The following ATP6V0A1 variants were observed in gnomAD, a reference collection of about 807,000 sequenced individuals.
ATP6V0A1 encodes the protein V-type proton ATPase 116 kDa subunit a 1.
Under a neutral mutation model 105.4 loss-of-function variants are expected in ATP6V0A1, and 43 were observed. The ratio of observed to expected loss-of-function variants is 0.41; its 90% CI spans 0.32 to 0.53. ATP6V0A1 has a LOEUF of 0.53. ATP6V0A1 is among the 20% of genes least tolerant of loss of function. ATP6V0A1 has a pLI of 0.30. For missense variants in ATP6V0A1, 676 were observed against 1,051.1 expected, an observed-to-expected ratio of 0.64 and a Z score of 4.93; for synonymous variants, 362 against 372.8, an observed-to-expected ratio of 0.97 and a Z score of 0.33.
intron 14 of ATP6V0A1, chr17:42,495,943 A>G (rs1398671624): frequency 5.0e-6 from 2 of 402,334 alleles, no homozygotes; most frequent in Non-Finnish European, 9.2e-6. Flanking sequence ...GTGGTGGCGC[A>G]TGCCTGTAGT....
intron 21 of ATP6V0A1, chr17:42,519,542 A>G (rs2092755282): frequency 6.6e-6 from 1 of 152,252 alleles, no homozygotes; most frequent in Non-Finnish European, 1.5e-5. Flanking sequence ...TTCAACATGA[A>G]GAATTCAAAC....
intron 9 of ATP6V0A1, 87 bp from the exon 10 acceptor site, chr17:42,487,068 A>T (rs893714120): frequency 8.4e-6 from 11 of 1,307,304 alleles, no homozygotes; most frequent in Non-Finnish European, 1.2e-5. Context: ...AACTCTTTTC[A>T]GAAAGCTATG....
At position 42,477,726 on chromosome 17, in the gene ATP6V0A1, A is replaced by G. The variant is rs1345072246; in HGVS notation, c.490A>G (p.Thr164Ala). ...GGAGCCAAGTGAGATGGGAAGAGGC[A>G]CTCCTTTAAGACTTGGGTAAGTGCC... ...LLEPSEMGRG[T>A]PLRLGFVAGV... is the part of the protein sequence containing the mutation. Residue 164 changes from threonine to alanine, a missense_variant, in exon 6 of 22, where the codon ACT (threonine) becomes GCT (alanine). Physicochemically the swap from Thr to Ala is moderately conservative, Grantham distance 58 (BLOSUM62 0). Coordinates refer to ENST00000343619, the MANE Select transcript of ATP6V0A1 (RefSeq NM_001130021.3). 1.2e-6 allele frequency: 2 copies of G among 1,613,324 alleles called. No individual in the cohort carries two copies. Among genetic ancestry groups the G allele is most frequent in the Non-Finnish European group, 1.7e-6 (2 of 1,179,606 alleles).
At chr17:42,499,574 G>C (rs970707503) in intron 15 of ATP6V0A1, among the ~76,000 whole-genome samples, 110 of 151,840 alleles carry the variant, frequency 7.2e-4, no homozygotes, top group African/African-American at 2.4e-3. Context: ...ATCACTTGAG[G>C]TCAGGAGTTC....
rs376334350 is a variant in ATP6V0A1 at position 42,520,292 on chromosome 17, A to G, written c.2421-735A>G. 680 of 371,768 alleles carry G rather than the reference A, an allele frequency of 1.8e-3. 6 individuals are homozygous for G. The highest frequency in any genetic ancestry group is 0.013 in the African/African-American group (601 of 47,214). The allele number at this position is 371,768 out of a possible 1,614,324, so 23.0% of individuals were successfully genotyped here. A position where few individuals can be genotyped will look rare whatever the true frequency, so the allele number is the denominator to read the frequency against. ...GGGCAGCTGTCCAGGGTGAGTTTGCAGGAGGAAGCACAGCCAAGCAGCCTC... is the reference window on the plus strand; with the variant it reads ...GGGCAGCTGTCCAGGGTGAGTTTGCGGGAGGAAGCACAGCCAAGCAGCCTC... On this transcript the variant is annotated intron_variant, in intron 21 of 21. Coordinates refer to ENST00000343619, the MANE Select transcript of ATP6V0A1 (RefSeq NM_001130021.3).
At chr17:42,519,389 C>T (rs916016413) in intron 21 of ATP6V0A1, 1 of 152,272 alleles carries the variant, frequency 6.6e-6, no homozygotes, top group African/African-American at 2.4e-5. Context: ...CCTACCAAGG[C>T]TGACATTCAC....
In ATP6V0A1 at chr17:42,521,708, A is replaced by G. The variant is rs1357250382; in HGVS notation, c.*588A>G. 1 of 150,992 alleles carries G rather than the reference A, an allele frequency of 6.6e-6. No individual in the cohort carries two copies. The highest frequency in any genetic ancestry group is 2.4e-5 in the African/African-American group (1 of 40,874). 9.4% of individuals were successfully genotyped at this position (150,992 alleles called of 1,614,324 possible). A position where few individuals can be genotyped will look rare whatever the true frequency, so the allele number is the denominator to read the frequency against. On this transcript the variant is annotated 3_prime_UTR_variant, in exon 22 of 22. Coordinates refer to ENST00000343619, the MANE Select transcript of ATP6V0A1 (RefSeq NM_001130021.3). This position sits in a 1 kb window ranked among gnomAD's most constrained non-coding sequence, Gnocchi z 4.8. ...TGAGTGGCTTCTCCCTGTCATCCCC[A>G]GGGGTCATAGGATATCTACACCGCC...
intron 2 of ATP6V0A1, among the ~76,000 whole-genome samples, chr17:42,465,341 A>G (rs2086912792): frequency 6.6e-6 from 1 of 151,328 alleles, no homozygotes. Flanking sequence ...CCCAGGCTGG[A>G]GTGCAGTGGC....
intron 15 of ATP6V0A1, among the ~76,000 whole-genome samples, chr17:42,499,509 C>T (rs1364471232): frequency 2.6e-5 from 4 of 151,206 alleles, no homozygotes; most frequent in Middle Eastern, 3.4e-3. Flanking sequence ...ATGGTCTGGC[C>T]GGGTGCAGTG....
rs183808424 is a variant in ATP6V0A1, at chr17:42,464,333, A to G, written c.118-2096A>G. 6.4e-4 allele frequency among the ~76,000 whole-genome samples: 97 copies of G among 152,310 alleles called. No homozygotes were observed. In the Middle Eastern group the frequency reaches 0.01, roughly 16 times the overall value. ...AAAAATTTTTGCCTTAGATTCCTCTAATATTAATATATTGAGTTCTCGAAG... is the reference window on the plus strand; with the variant it reads ...AAAAATTTTTGCCTTAGATTCCTCTGATATTAATATATTGAGTTCTCGAAG... On this transcript the variant is annotated intron_variant, in intron 2 of 21. Transcript: ENST00000343619.
intron 17 of ATP6V0A1, among the ~76,000 whole-genome samples, chr17:42,501,587 G>A (rs1567856294): frequency 6.6e-6 from 1 of 151,836 alleles, no homozygotes; most frequent in African/African-American, 2.4e-5. Context: ...GCTAATTCTT[G>A]TATTTTTAGT....
chr17:42,500,644 A>C, intron 15 of ATP6V0A1, 63 bp from the exon 16 acceptor site: 1 of 1,317,366 alleles, frequency 7.6e-7, no homozygotes, highest in Non-Finnish European at 1.1e-6. Flanking sequence ...TGAATACTCC[A>C]TTCAGTGTAG....
At chr17:42,489,936 G>A (rs150421703) in intron 10 of ATP6V0A1, among the ~76,000 whole-genome samples, 10 of 152,310 alleles carry the variant, frequency 6.6e-5, no homozygotes, top group African/African-American at 1.7e-4. Context: ...AATGGTCAGC[G>A]AGCAGGAGGA....
At chr17:42,473,961 A>T (rs2088351961) in intron 5 of ATP6V0A1, among the ~76,000 whole-genome samples, 1 of 151,774 alleles carries the variant, frequency 6.6e-6, no homozygotes, top group Non-Finnish European at 1.5e-5. Flanking sequence ...CTAAGTCTTC[A>T]TGATCTTTGT....
chr17:42,507,178 CTTG>C (rs1312871218), intron 17 of ATP6V0A1, among the ~76,000 whole-genome samples: 2 of 152,170 alleles, frequency 1.3e-5, no homozygotes, highest in East Asian at 1.9e-4. Flanking sequence ...TAGAGCTGTA[CTTG>C]TTGTGAGAAT....
At chr17:42,495,289 A>T (rs777845178) in intron 13 of ATP6V0A1, 101 bp downstream of exon 13, 8 of 1,266,346 alleles carry the variant, frequency 6.3e-6, no homozygotes, top group Non-Finnish European at 8.9e-6. Context: ...GGAAGTGGTG[A>T]CAGTGTCTCC....
rs547915701 is a variant in ATP6V0A1 at position 42,487,449 on chromosome 17, CG to C, written c.1023+85del. The C allele has an allele frequency of 1.1e-4, 160 of 1,438,952 alleles. 2 individuals are homozygous for C. The South Asian group carries it at 1.8e-3, about 16-fold the overall frequency. 89.1% of individuals were successfully genotyped at this position (1,438,952 alleles called of 1,614,324 possible). On this transcript the variant is annotated intron_variant, in intron 10 of 21. Transcript: ENST00000343619. ...TAGTAACATTAATGTCATTTTTGGCCGGGCGCGGTGGCTCATGCCTGTAATC... is the reference window on the plus strand; with the variant it reads ...TAGTAACATTAATGTCATTTTTGGCCGGCGCGGTGGCTCATGCCTGTAATC...
In ATP6V0A1 at chr17:42,507,549, G is replaced by A; in HGVS notation, c.2034G>A (p.Val678=). 1 of 1,613,396 alleles carries A rather than the reference G, an allele frequency of 6.2e-7. No individual in the cohort carries two copies. The highest frequency in any genetic ancestry group is 8.5e-7 in the Non-Finnish European group (1 of 1,179,630). The change falls in exon 18 of 22, where the codon GTG becomes GTA. Residue 678 remains valine, a synonymous_variant. Coordinates refer to ENST00000343619, the MANE Select transcript of ATP6V0A1 (RefSeq NM_001130021.3). The part of the protein sequence containing the change: ...LGTLNFGGIR[V]GNGPTEEDAE... ...CTCTCAACTTTGGTGGGATCAGGGT[G>A]GGCAACGGACCGACAGAGGAGGATG...
intron 5 of ATP6V0A1, among the ~76,000 whole-genome samples, chr17:42,475,448 C>G (rs1371772308): frequency 6.6e-6 from 1 of 152,216 alleles, no homozygotes; most frequent in Non-Finnish European, 1.5e-5. Context: ...CCATGGCCTT[C>G]AGGCCTCAGG....
Sources: gnomAD v4.1 joint callset for allele counts (sites outside exome capture counted in the v4.1 genomes callset) on GRCh38, gnomAD v4.1.1 for gene constraint, Gnocchi (gnomAD v3.1) non-coding constraint, MANE v1.5 for transcripts, NCBI Gene and HGNC (gene_info 2026-07-23, HGNC 2026-07-21) for gene names.